PTCHD4: variants seen among roughly 807,000 people sequenced by gnomAD.
The protein encoded by PTCHD4 is patched domain-containing protein 4.
PTCHD4 carries 33 observed loss-of-function variants against 58.1 expected under a neutral mutation model. The ratio of observed to expected loss-of-function variants is 0.57; its 90% CI spans 0.43 to 0.76. The LOEUF (loss-of-function observed/expected upper bound fraction) is 0.76, where lower values mean the gene tolerates loss of function less well. Among genes scored for constraint, PTCHD4 ranks in the 30% least tolerant of loss-of-function variants. PTCHD4 has a pLI of 0.00. For synonymous variants in PTCHD4, 478 were observed against 409.6 expected, an observed-to-expected ratio of 1.17 and a Z score of -2.02; for missense variants, 1,058 against 1,027.1, an observed-to-expected ratio of 1.03 and a Z score of -0.41.
At chr6:47,971,089 A>G (rs1444941017) in intron 4 of PTCHD4, among the ~76,000 whole-genome samples, 1 of 152,154 alleles carries the variant, frequency 6.6e-6, no homozygotes, top group African/African-American at 2.4e-5. Flanking sequence ...AATACCAGAC[A>G]CCAAGGGATC....
chr6:48,083,538 C>A (rs1479198191), intron 1 of PTCHD4, among the ~76,000 whole-genome samples: 1 of 152,054 alleles, frequency 6.6e-6, no homozygotes, highest in African/African-American at 2.4e-5. Flanking sequence ...AGGGACATTG[C>A]AGATATAATT....
rs371575555 is a variant in PTCHD4, at chr6:48,046,057, C to A, written c.417+22173G>T. 1.2e-3 allele frequency among the ~76,000 whole-genome samples: 188 copies of A among 151,790 alleles called. 4 individuals are homozygous for A. In the South Asian group the frequency reaches 0.038, roughly 30 times the overall value. On this transcript the variant is annotated intron_variant, in intron 3 of 4. Transcript: ENST00000339488. Reference sequence around the variant, plus strand: ...TTGTTGGAACTAGATATTCAGACATCCAGTGAAAAAGGAAAATTGGAGAGT... The same window carrying A: ...TTGTTGGAACTAGATATTCAGACATACAGTGAAAAAGGAAAATTGGAGAGT...
intron 4 of PTCHD4, among the ~76,000 whole-genome samples, chr6:47,880,543 C>T (rs1485008526): frequency 6.8e-6 from 1 of 147,612 alleles, no homozygotes. Flanking sequence ...AAAAAAAAAT[C>T]TGCCACGTCA....
At chr6:48,063,069 C>G (rs186936973) in intron 3 of PTCHD4, among the ~76,000 whole-genome samples, 3 of 152,152 alleles carry the variant, frequency 2.0e-5, no homozygotes, top group Non-Finnish European at 2.9e-5. Flanking sequence ...ATTGTGCTAT[C>G]CCATAAATTT....
At chr6:48,003,204 C>G (rs192126626) in intron 4 of PTCHD4, among the ~76,000 whole-genome samples, 1 of 152,232 alleles carries the variant, frequency 6.6e-6, no homozygotes, top group Non-Finnish European at 1.5e-5. Flanking sequence ...TCAATATTAG[C>G]TATGCTGTGA....
intron 4 of PTCHD4, among the ~76,000 whole-genome samples, chr6:47,989,178 G>A (rs1036950867): frequency 2.0e-5 from 3 of 152,176 alleles, no homozygotes; most frequent in Non-Finnish European, 2.9e-5. Context: ...CTTTGAGCTT[G>A]AGAAAGATGA....
At chr6:47,914,995 C>T (rs1381916111) in intron 4 of PTCHD4, among the ~76,000 whole-genome samples, 1 of 152,094 alleles carries the variant, frequency 6.6e-6, no homozygotes, top group African/African-American at 2.4e-5. Flanking sequence ...AAAGCTACTT[C>T]CTGAATCTTT....
intron 1 of PTCHD4, among the ~76,000 whole-genome samples, chr6:48,096,574 T>C (rs1416431778): frequency 6.8e-6 from 1 of 147,888 alleles, no homozygotes; most frequent in African/African-American, 2.5e-5. Context: ...ATGGTGCCAC[T>C]GCACTCCAGC....
intron 3 of PTCHD4, among the ~76,000 whole-genome samples, chr6:48,058,742 G>A (rs1764508025): frequency 6.6e-6 from 1 of 152,160 alleles, no homozygotes; most frequent in Non-Finnish European, 1.5e-5. Flanking sequence ...CAGACCCAGT[G>A]CACACTGAGA....
intron 3 of PTCHD4, among the ~76,000 whole-genome samples, chr6:48,013,543 G>C (rs944405251): frequency 1.2e-4 from 19 of 152,044 alleles, no homozygotes; most frequent in African/African-American, 4.3e-4. Flanking sequence ...AGGTGGGCAT[G>C]CTTTGAGAAA....
chr6:47,917,272 G>A (rs1765289663), intron 4 of PTCHD4, among the ~76,000 whole-genome samples: 1 of 151,830 alleles, frequency 6.6e-6, no homozygotes, highest in Non-Finnish European at 1.5e-5. Context: ...CATTCATTTT[G>A]AAATTCCCAT....
Position 48,023,684 on chromosome 6 carries a change from G to C in PTCHD4, c.418-14570C>G, listed in dbSNP as rs569532760. On this transcript the variant is annotated intron_variant, in intron 3 of 4. Coordinates refer to ENST00000339488, the MANE Select transcript of PTCHD4 (RefSeq NM_001384253.1). ...ATTTTCTTCTGAATGTTCCCAAATA[G>C]GGCCTAGTCTCAGCAGCTCGGTTTC... Among the ~76,000 whole-genome samples the C allele has an allele frequency of 6.6e-5, 10 of 152,190 alleles. No homozygotes were observed. The East Asian group carries it at 1.9e-3, about 29-fold the overall frequency.
At chr6:47,995,556 C>CT (rs1768455366) in intron 4 of PTCHD4, among the ~76,000 whole-genome samples, 1 of 152,150 alleles carries the variant, frequency 6.6e-6, no homozygotes, top group South Asian at 2.1e-4. Context: ...AATGGGATTC[C>CT]TTCGTTGAGA....
intron 1 of PTCHD4, among the ~76,000 whole-genome samples, chr6:48,097,110 T>C (rs901787957): frequency 1.3e-5 from 2 of 152,106 alleles, no homozygotes; most frequent in Non-Finnish European, 2.9e-5. Context: ...CAAAAACTCT[T>C]TTCTTAGAAA....
At chr6:48,052,226 A>G (rs1299215482) in intron 3 of PTCHD4, among the ~76,000 whole-genome samples, 1 of 152,010 alleles carries the variant, frequency 6.6e-6, no homozygotes, top group Non-Finnish European at 1.5e-5. Flanking sequence ...ATGTTTCAGG[A>G]GCTAAAAACA....
chr6:47,861,727 C>A lies in PTCHD4; in HGVS notation c.*16576G>T, dbSNP rs192080863. 1.6e-4 allele frequency among the ~76,000 whole-genome samples: 25 copies of A among 151,872 alleles called. No individual in the cohort carries two copies. The highest frequency in any genetic ancestry group is 5.8e-4 in the African/African-American group (24 of 41,424). ...CTCTAGTTTTGCCAATGTCTCATAA[C>A]AAATGTTTCAGTGAAAGCAAATAGT... On this transcript the variant is annotated 3_prime_UTR_variant, in exon 5 of 5. Coordinates refer to ENST00000339488, the MANE Select transcript of PTCHD4 (RefSeq NM_001384253.1).
rs139638818 is a variant in PTCHD4, at chr6:48,062,443, C to T, written c.417+5787G>A. ...TAAATGGGAAGAAGAATGGAGAGAA[C>T]GCTTTCTATCCCCACCCCCCACTTT... On this transcript the variant is annotated intron_variant, in intron 3 of 4. Coordinates refer to ENST00000339488, the MANE Select transcript of PTCHD4 (RefSeq NM_001384253.1). 4.0e-4 allele frequency among the ~76,000 whole-genome samples: 60 copies of T among 151,804 alleles called. 1 individual carries two copies. Among genetic ancestry groups the T allele is most frequent in the East Asian group, 3.3e-3 (17 of 5,160 alleles).
chr6:48,073,165 G>A (rs1447856435), intron 1 of PTCHD4, among the ~76,000 whole-genome samples: 1 of 152,112 alleles, frequency 6.6e-6, no homozygotes, highest in South Asian at 2.1e-4. Context: ...TGCATTTAGG[G>A]ACCAATTAGT....
intron 3 of PTCHD4, among the ~76,000 whole-genome samples, chr6:48,063,471 G>A (rs191791581): frequency 4.6e-5 from 7 of 152,274 alleles, no homozygotes; most frequent in Admixed American, 4.6e-4. Context: ...GAGAATGATG[G>A]AGGATGTCAT....
Sources: allele counts gnomAD v4.1 joint callset (sites outside exome capture counted in the v4.1 genomes callset), GRCh38; gene constraint gnomAD v4.1.1; transcripts MANE v1.5; gene names NCBI Gene and HGNC (gene_info 2026-07-23, HGNC 2026-07-21).